EXOC6: variants seen among roughly 807,000 people sequenced by gnomAD.
EXOC6 encodes the protein exocyst complex component 6, also known as SEC15-like 1.
In EXOC6, 60 loss-of-function variants were observed where a neutral mutation model predicts 112.5. That is an observed-to-expected ratio of 0.53 (90% confidence interval 0.43 to 0.66). EXOC6 has a LOEUF of 0.66. Ranked by LOEUF, EXOC6 falls within the 30% of genes least tolerant of loss-of-function variation. EXOC6 has a pLI of 0.00. For missense variants in EXOC6, 855 were observed against 957.1 expected, an observed-to-expected ratio of 0.89 and a Z score of 1.41; for synonymous variants, 295 against 308.0, an observed-to-expected ratio of 0.96 and a Z score of 0.44.
intron 7 of EXOC6, among the ~76,000 whole-genome samples, chr10:92,917,349 T>G (rs1851147966): frequency 6.6e-6 from 1 of 152,040 alleles, no homozygotes; most frequent in Non-Finnish European, 1.5e-5. Flanking sequence ...TTGGCCTAAT[T>G]CTGGATAGTC....
intron 9 of EXOC6, among the ~76,000 whole-genome samples, chr10:92,929,201 C>T (rs373637771): frequency 6.6e-6 from 1 of 152,158 alleles, no homozygotes; most frequent in African/African-American, 2.4e-5. Flanking sequence ...ATCTAAAAAT[C>T]CTTCTGTTCC....
At chr10:92,847,885 TCTC>T (rs1847115620), upstream of EXOC6, among the ~76,000 whole-genome samples, 1 of 146,160 alleles carries the variant, frequency 6.8e-6, no homozygotes, top group Admixed American at 7.1e-5. Flanking sequence ...TGTCTTAACT[TCTC>T]ATCATTTAAT....
Position 92,960,337 on chromosome 10 carries a change from G to A in EXOC6, c.1773+4623G>A, listed in dbSNP as rs922388468. On this transcript the variant is annotated intron_variant, in intron 17 of 21. Transcript: ENST00000260762. Reference sequence around the variant, plus strand: ...TATGGAGGCAATAAAAAAATTAATGGTAGCCAGGAGTGAGGGAGTGGTGGA... The same window carrying A: ...TATGGAGGCAATAAAAAAATTAATGATAGCCAGGAGTGAGGGAGTGGTGGA... Among the ~76,000 whole-genome samples the A allele has an allele frequency of 5.9e-5, 9 of 152,122 alleles. 1 individual carries two copies.
intron 1 of EXOC6, among the ~76,000 whole-genome samples, chr10:92,828,713 TGTGTGTGTGTGTGTGTA>T (rs1206901432): frequency 9.9e-5 from 7 of 70,504 alleles, no homozygotes; most frequent in Non-Finnish European, 2.3e-4. Flanking sequence ...TGTGTGTGTG[TGTGTGTGTGTGTGTGTA>T]TTTTTTTTTT....
Position 93,023,842 on chromosome 10 carries a change from A to G in EXOC6, c.2169+9575A>G, listed in dbSNP as rs574978556. Among the ~76,000 whole-genome samples, 3 of 152,226 alleles carry G rather than the reference A, an allele frequency of 2.0e-5. No individual in the cohort carries two copies. In the South Asian group the frequency reaches 6.2e-4, roughly 31 times the overall value. On this transcript the variant is annotated intron_variant, in intron 20 of 21. Coordinates refer to ENST00000260762, the MANE Select transcript of EXOC6 (RefSeq NM_019053.6). ...ATGCAGTATTCAGTGATAATTTTTT[A>G]TAACTTATTTTTTTAATAACTCATT...
chr10:92,934,003 A>G, intron 9 of EXOC6, 141 bp from the exon 10 acceptor site: 1 of 523,874 alleles, frequency 1.9e-6, no homozygotes, highest in Non-Finnish European at 3.4e-6. Context: ...ATTTACAGAT[A>G]TATCCCTGGT....
intron 19 of EXOC6, among the ~76,000 whole-genome samples, chr10:93,007,011 A>T (rs1004278127): frequency 6.9e-6 from 1 of 145,430 alleles, no homozygotes; most frequent in South Asian, 2.2e-4. Context: ...CCCCCTGACA[A>T]TTCTTCCTAC....
At chr10:92,952,093 T>G (rs2134008653) in intron 14 of EXOC6, among the ~76,000 whole-genome samples, 180 bp from the exon 15 acceptor site, 1 of 152,254 alleles carries the variant, frequency 6.6e-6, no homozygotes, top group Admixed American at 6.5e-5. Context: ...AAGGGTAAAT[T>G]GCCACATTAT....
In EXOC6 at chr10:92,966,061, GA is replaced by G. The variant is rs1254436507; in HGVS notation, c.1774-7988del. ...CCCCGAAAGTTTTTTAACATCTTGA[GA>G]AAAGGTTATTTTAACTTAGATATTT... is the stretch of plus-strand genomic sequence containing the variant. On this transcript the variant is annotated intron_variant, in intron 17 of 21. Coordinates refer to ENST00000260762, the MANE Select transcript of EXOC6 (RefSeq NM_019053.6). 2.6e-5 allele frequency among the ~76,000 whole-genome samples: 4 copies of G among 152,092 alleles called. No individual in the cohort carries two copies. In the East Asian group the frequency reaches 7.7e-4, roughly 29 times the overall value.
At chr10:93,033,906 A>G (rs7916356) in intron 20 of EXOC6, among the ~76,000 whole-genome samples, 2,080 of 152,338 alleles carry the variant, frequency 0.014, 50 homozygotes, top group African/African-American at 0.048. Flanking sequence ...GCTAAAGGAT[A>G]AAAAGTTAGG....
intron 1 of EXOC6, among the ~76,000 whole-genome samples, chr10:92,840,676 T>G (rs536773687): frequency 6.6e-6 from 1 of 151,960 alleles, no homozygotes; most frequent in African/African-American, 2.4e-5. Flanking sequence ...ACTTTTTTTT[T>G]TTTTTGAGAC....
intron 1 of EXOC6, among the ~76,000 whole-genome samples, chr10:92,853,426 C>G (rs1847444873): frequency 6.6e-6 from 1 of 152,114 alleles, no homozygotes; most frequent in East Asian, 1.9e-4. Flanking sequence ...TGTAAAGGAC[C>G]TAGATTAGCC....
At chr10:92,941,345 C>T (rs1410963871) in intron 13 of EXOC6, among the ~76,000 whole-genome samples, 2 of 152,146 alleles carry the variant, frequency 1.3e-5, no homozygotes, top group Non-Finnish European at 2.9e-5. Context: ...CATTTAGGTT[C>T]CTTCCACCTT....
At chr10:92,963,494 A>G (rs964468410) in intron 17 of EXOC6, among the ~76,000 whole-genome samples, 2 of 151,722 alleles carry the variant, frequency 1.3e-5, no homozygotes, top group African/African-American at 4.8e-5. Context: ...TCTCTGGCTT[A>G]TAGTCCATGA....
intron 1 of EXOC6, among the ~76,000 whole-genome samples, chr10:92,865,616 A>ATT (rs891892499): frequency 1.4e-5 from 2 of 147,614 alleles, no homozygotes; most frequent in African/African-American, 5.0e-5. Context: ...TAATTTTTGC[A>ATT]TTTTTTTTTT....
intron 20 of EXOC6, among the ~76,000 whole-genome samples, chr10:93,051,111 G>T (rs1846272796): frequency 6.7e-6 from 1 of 150,278 alleles, no homozygotes; most frequent in African/African-American, 2.4e-5. Context: ...ATATGGATGT[G>T]TGTAAATCCA....
intron 15 of EXOC6, among the ~76,000 whole-genome samples, chr10:92,954,334 G>A (rs1030610788): frequency 1.3e-5 from 2 of 151,978 alleles, no homozygotes; most frequent in Non-Finnish European, 2.9e-5. Context: ...TGATGGAGTC[G>A]GAATTTAGGA....
At chr10:93,036,229 AAG>A in intron 20 of EXOC6, among the ~76,000 whole-genome samples, 1 of 151,760 alleles carries the variant, frequency 6.6e-6, no homozygotes, top group South Asian at 2.1e-4. Flanking sequence ...AAAAAAAAAA[AAG>A]AAAAAAAAGA....
chr10:92,857,053 C>G (rs1039527669), intron 1 of EXOC6, among the ~76,000 whole-genome samples: 2 of 152,030 alleles, frequency 1.3e-5, no homozygotes, highest in Non-Finnish European at 2.9e-5. Context: ...TTATTTTTAT[C>G]CAATTTGAGA....
Sources: gnomAD v4.1 joint callset for allele counts (sites outside exome capture counted in the v4.1 genomes callset) on GRCh38, gnomAD v4.1.1 for gene constraint, MANE v1.5 for transcripts, NCBI Gene and HGNC (gene_info 2026-07-23, HGNC 2026-07-21) for gene names.